Variants in CLINT1 observed in about 807,000 individuals in gnomAD.
CLINT1 encodes clathrin interacting protein localized in the trans-Golgi region.
Under a neutral mutation model 70.4 loss-of-function variants are expected in CLINT1, and 15 were observed. That is an observed-to-expected ratio of 0.21 (90% CI 0.14 to 0.33). The LOEUF (loss-of-function observed/expected upper bound fraction) is 0.33, where lower values mean the gene tolerates loss of function less well. Ranked by LOEUF, CLINT1 falls within the 10% of genes least tolerant of loss-of-function variation. CLINT1 has a pLI of 1.00. For synonymous variants in CLINT1, 227 were observed against 254.7 expected, an observed-to-expected ratio of 0.89 and a Z score of 1.04; for missense variants, 615 against 778.1, an observed-to-expected ratio of 0.79 and a Z score of 2.49.
chr5:157,839,209 AC>A (rs1254809060), intron 1 of CLINT1, among the ~76,000 whole-genome samples: 2 of 152,288 alleles, frequency 1.3e-5, no homozygotes, highest in East Asian at 3.9e-4. Flanking sequence ...AGCCTTGGTG[AC>A]AAAGGGAGAC....
intron 1 of CLINT1, among the ~76,000 whole-genome samples, chr5:157,843,907 T>G (rs1229485649): frequency 6.6e-6 from 1 of 152,140 alleles, no homozygotes. Context: ...ATCTATAGAT[T>G]TTCTTCTGCT....
chr5:157,800,706 T>C (rs1271078167), intron 8 of CLINT1, among the ~76,000 whole-genome samples: 1 of 152,202 alleles, frequency 6.6e-6, no homozygotes, highest in Non-Finnish European at 1.5e-5. Context: ...TCATTCAAAC[T>C]TTCTCAGTTA....
chr5:157,822,384 T>C (rs1762903937), intron 1 of CLINT1, among the ~76,000 whole-genome samples: 1 of 152,172 alleles, frequency 6.6e-6, no homozygotes, highest in African/African-American at 2.4e-5. Flanking sequence ...CTTTTGCCTC[T>C]TCCTCATTTT....
intron 1 of CLINT1, among the ~76,000 whole-genome samples, chr5:157,831,987 C>T (rs765954894): frequency 2.0e-5 from 3 of 151,852 alleles, no homozygotes; most frequent in African/African-American, 7.3e-5. Flanking sequence ...TGAGCCAGTG[C>T]GCCAGGCCAC....
At chr5:157,854,787 AT>A (rs1340427388) in intron 1 of CLINT1, among the ~76,000 whole-genome samples, 2 of 152,116 alleles carry the variant, frequency 1.3e-5, no homozygotes, top group Admixed American at 6.6e-5. Context: ...ATAACTTAAA[AT>A]GGACTACCCA....
chr5:157,805,370 C>T (rs945297675), intron 7 of CLINT1, among the ~76,000 whole-genome samples: 9 of 152,228 alleles, frequency 5.9e-5, no homozygotes, highest in South Asian at 4.2e-4. Context: ...TAAAAACAAA[C>T]GAAGATGGTA....
intron 1 of CLINT1, among the ~76,000 whole-genome samples, chr5:157,855,764 G>A (rs1163180479): frequency 6.6e-6 from 1 of 152,004 alleles, no homozygotes. Context: ...GCGAAACCCC[G>A]TGTCTACTAA....
intron 5 of CLINT1, 134 bp from the exon 6 acceptor site, chr5:157,809,939 G>GT: frequency 2.5e-6 from 2 of 789,952 alleles, no homozygotes; most frequent in Non-Finnish European, 3.9e-6. Flanking sequence ...CCACAGTGCT[G>GT]AATCAACACA....
At chr5:157,857,171 C>G (rs1753786270) in intron 1 of CLINT1, among the ~76,000 whole-genome samples, 1 of 147,732 alleles carries the variant, frequency 6.8e-6, no homozygotes, top group African/African-American at 2.5e-5. Context: ...CACTTGAGCC[C>G]AGGAGTTGGA....
chr5:157,821,020 A>T (rs1305841799), intron 1 of CLINT1, among the ~76,000 whole-genome samples: 1 of 152,180 alleles, frequency 6.6e-6, no homozygotes, highest in Admixed American at 6.5e-5. Context: ...TCCTAAATTG[A>T]GATTCCTAAC....
chr5:157,823,837 C>G (rs972894132), intron 1 of CLINT1: 1 of 240,580 alleles, frequency 4.2e-6, no homozygotes, highest in Non-Finnish European at 6.7e-6. Context: ...TGAGCAGTGG[C>G]GAGCGAGCGT....
In CLINT1 at chr5:157,806,034, C is replaced by T. The variant is rs531936369; in HGVS notation, c.774G>A (p.Thr258=). The T allele has an allele frequency of 3.7e-6, 6 of 1,613,766 alleles. No homozygotes were observed. Among genetic ancestry groups the T allele is most frequent in the Middle Eastern group, 1.6e-4 (1 of 6,084 alleles). ...GEFKDEEETV[T]TKHIHITQAT... ...CCTGTGTGATATGAATATGCTTTGT[C>T]GTCACAGTCTCCTCTTCATCTTTGA... is the stretch of plus-strand genomic sequence containing the variant. The change falls in exon 7 of 12, where the codon ACG becomes ACA. Residue 258 remains threonine (T), a synonymous_variant. Transcript: ENST00000411809.
At chr5:157,835,770 T>C (rs1763399690) in intron 1 of CLINT1, among the ~76,000 whole-genome samples, 2 of 152,282 alleles carry the variant, frequency 1.3e-5, no homozygotes, top group South Asian at 4.2e-4. Context: ...GAAAGACTTA[T>C]TAATTTACTA....
At chr5:157,796,858 T>C (rs987953891) in intron 8 of CLINT1, among the ~76,000 whole-genome samples, 1 of 151,974 alleles carries the variant, frequency 6.6e-6, no homozygotes, top group African/African-American at 2.4e-5. Flanking sequence ...TCCTCATTTC[T>C]TCACCACAGA....
At chr5:157,833,273 C>T (rs1763305665) in intron 1 of CLINT1, among the ~76,000 whole-genome samples, 1 of 151,946 alleles carries the variant, frequency 6.6e-6, no homozygotes, top group Non-Finnish European at 1.5e-5. Flanking sequence ...ATAGCTTGAA[C>T]CTGGTAGGTG....
At chr5:157,819,232 C>T (rs1472286999) in intron 1 of CLINT1, among the ~76,000 whole-genome samples, 1 of 152,150 alleles carries the variant, frequency 6.6e-6, no homozygotes, top group Admixed American at 6.5e-5. Context: ...TGCCAAAAAA[C>T]TGAATCAATC....
At chr5:157,844,631 G>A (rs1055927745) in intron 1 of CLINT1, among the ~76,000 whole-genome samples, 3 of 152,158 alleles carry the variant, frequency 2.0e-5, no homozygotes, top group Admixed American at 6.5e-5. Flanking sequence ...GTACATAAGC[G>A]ATTAAAGAAC....
intron 1 of CLINT1, among the ~76,000 whole-genome samples, chr5:157,826,604 G>A (rs906408104): frequency 6.6e-6 from 1 of 151,174 alleles, no homozygotes; most frequent in Non-Finnish European, 1.5e-5. Context: ...GTGAGGGACT[G>A]GTTTAGCCAA....
chr5:157,815,168 C>T (rs117782158), intron 3 of CLINT1, among the ~76,000 whole-genome samples: 59 of 150,938 alleles, frequency 3.9e-4, no homozygotes, highest in African/African-American at 1.1e-3. Context: ...GGTATTGTGG[C>T]GCACACCTGT....
Sources: allele counts gnomAD v4.1 joint callset (sites outside exome capture counted in the v4.1 genomes callset), GRCh38; gene constraint gnomAD v4.1.1; transcripts MANE v1.5; gene names NCBI Gene and HGNC (gene_info 2026-07-23, HGNC 2026-07-21).